Variants in UBR4 observed in about 807,000 individuals in gnomAD.
The protein encoded by UBR4 is ubiquitin protein ligase E3 component n-recognin 4, also known as E3 ubiquitin-protein ligase UBR4.
Under a neutral mutation model 575.6 loss-of-function variants are expected in UBR4, and 124 were observed. The observed-to-expected ratio is 0.22, with a 90% CI of 0.19 to 0.25. UBR4 has a LOEUF of 0.25. Among genes scored for constraint, UBR4 ranks in the 10% least tolerant of loss-of-function variants. UBR4 has a pLI of 1.00. For missense variants in UBR4, 4,818 were observed against 6,478.8 expected, an observed-to-expected ratio of 0.74 and a Z score of 8.80; for synonymous variants, 2,455 against 2,473.7, an observed-to-expected ratio of 0.99 and a Z score of 0.22.
intron 17 of UBR4, among the ~76,000 whole-genome samples, chr1:19,183,192 C>T (rs909933542): frequency 3.9e-5 from 6 of 152,098 alleles, no homozygotes; most frequent in African/African-American, 1.4e-4. Context: ...ACCACTTATA[C>T]TTCTTTTCAT....
chr1:19,112,399 T>C (rs2080000485), intron 78 of UBR4, 125 bp downstream of exon 78: 1 of 1,131,508 alleles, frequency 8.8e-7, no homozygotes, highest in South Asian at 1.6e-5. Flanking sequence ...ATCTTTCCTT[T>C]GTTATAAGCT....
chr1:19,172,753 G>T, intron 25 of UBR4, 111 bp downstream of exon 25: 1 of 1,123,758 alleles, frequency 8.9e-7, no homozygotes, highest in Non-Finnish European at 1.3e-6. Context: ...TATACGTGGG[G>T]AAAAAAACCC....
intron 33 of UBR4, among the ~76,000 whole-genome samples, 158 bp downstream of exon 33, chr1:19,164,095 C>G (rs1004404838): frequency 3.9e-5 from 6 of 152,164 alleles, no homozygotes; most frequent in Non-Finnish European, 5.9e-5. Flanking sequence ...AAGATGAAGT[C>G]TAAAGTGAAC....
At chr1:19,188,228 T>A (rs2091745139) in intron 11 of UBR4, among the ~76,000 whole-genome samples, 1 of 152,138 alleles carries the variant, frequency 6.6e-6, no homozygotes, top group Admixed American at 6.5e-5. Flanking sequence ...AATTACCAAC[T>A]TCTATAAAAT....
At chr1:19,077,757 CAAACAAAACCAAACA>C in intron 104 of UBR4, 2 of 1,465,528 alleles carry the variant, frequency 1.4e-6, no homozygotes, top group Non-Finnish European at 1.8e-6. Context: ...CAAACCAAAC[CAAACAAAACCAAACA>C]AAACAAATGT....
intron 99 of UBR4, among the ~76,000 whole-genome samples, chr1:19,087,139 A>C (rs1215589473): frequency 2.6e-5 from 4 of 152,236 alleles, no homozygotes; most frequent in Admixed American, 2.0e-4. Context: ...GAAAATGCAG[A>C]AGTGACTTCT....
Position 19,164,214 on chromosome 1 carries a change from T to A in UBR4, c.4700+39A>T, listed in dbSNP as rs773290684. ...AAAGAAAGTAACCCACTTCTCAAGATCAATGTTGTAACCTACAGATACAAC... is the reference window on the plus strand; with the variant it reads ...AAAGAAAGTAACCCACTTCTCAAGAACAATGTTGTAACCTACAGATACAAC... On this transcript the variant is annotated intron_variant, in intron 33 of 105. Coordinates refer to ENST00000375254, the MANE Select transcript of UBR4 (RefSeq NM_020765.3). The A allele has an allele frequency of 1.6e-5, 26 of 1,582,662 alleles. No individual in the cohort carries two copies. The East Asian group carries it at 5.2e-4, about 32-fold the overall frequency.
rs771044330 is a variant in UBR4 at position 19,164,335 on chromosome 1, C to T, written c.4618G>A (p.Val1540Met). ...CCTGCACTGGCCAGAGTGGCCATCACAACCATAAGTTCAGGGAAGCCAGTC... is the reference window on the plus strand; with the variant it reads ...CCTGCACTGGCCAGAGTGGCCATCATAACCATAAGTTCAGGGAAGCCAGTC... ...DGTGFPELMV[V>M]MATLASAGQG... is the part of the protein sequence containing the mutation. Residue 1540 changes from valine (V) to methionine (M), a missense_variant, in exon 33 of 106, where the codon GTG becomes ATG. By Grantham distance (21) the Val-to-Met change is conservative. Around this residue, in one of 29 missense-constraint regions of UBR4, gnomAD observed 1,172 missense variants for 1,259.7 expected, o/e 0.93. Transcript: ENST00000375254. 6.2e-7 allele frequency: 1 copy of T among 1,614,196 alleles called. No individual in the cohort carries two copies. The highest frequency in any genetic ancestry group is 1.1e-5 in the South Asian group (1 of 91,080).
At chr1:19,148,459 C>A in intron 50 of UBR4, 104 bp downstream of exon 50, 1 of 1,386,750 alleles carries the variant, frequency 7.2e-7, no homozygotes, top group Non-Finnish European at 1.0e-6. Context: ...CAAGATTATG[C>A]TACTATAAAT....
chr1:19,184,744 A>G (rs2091359145), intron 15 of UBR4, among the ~76,000 whole-genome samples: 1 of 152,192 alleles, frequency 6.6e-6, no homozygotes, highest in South Asian at 2.1e-4. Context: ...CACTGATGAT[A>G]TATCAGACCT....
At chr1:19,118,689 C>T in intron 71 of UBR4, 183 bp downstream of exon 71, 1 of 623,936 alleles carries the variant, frequency 1.6e-6, no homozygotes, top group Non-Finnish European at 2.8e-6. Context: ...TCAGCAATGA[C>T]ATTTTGAGTA....
chr1:19,148,251 C>T, intron 50 of UBR4, 124 bp from the exon 51 acceptor site: 5 of 1,235,136 alleles, frequency 4.0e-6, no homozygotes, highest in Non-Finnish European at 5.4e-6. Flanking sequence ...CCATGGACTG[C>T]AAAGAGAAAA....
At chr1:19,141,981 G>A (rs907839704) in intron 55 of UBR4, among the ~76,000 whole-genome samples, 26 of 152,204 alleles carry the variant, frequency 1.7e-4, no homozygotes, top group African/African-American at 6.0e-4. Flanking sequence ...AGTTGGCTGC[G>A]ACAGCTTGCC....
At chr1:19,137,681 T>A (rs1472570378) in intron 60 of UBR4, among the ~76,000 whole-genome samples, 4 of 152,186 alleles carry the variant, frequency 2.6e-5, no homozygotes. Context: ...TGCCATATAT[T>A]GAGTGTACAG....
intron 82 of UBR4, 26 bp downstream of exon 82, chr1:19,106,811 C>A: frequency 1.2e-6 from 2 of 1,608,480 alleles, no homozygotes; most frequent in East Asian, 4.5e-5. Context: ...GCAGGACTTC[C>A]CGGCGTCTTG....
chr1:19,120,361 G>C lies in UBR4; in HGVS notation c.10142-13C>G, dbSNP rs368844420. 19 of 1,613,844 alleles carry C rather than the reference G, an allele frequency of 1.2e-5. No homozygotes were observed. The African/African-American group carries it at 1.7e-4, about 15-fold the overall frequency. Reference sequence around the variant, plus strand: ...CCAGAGGTCTCACCTGCAAGATTAGGACAGGACTAAGGGCTGAAGAGTAGG... The same window carrying C: ...CCAGAGGTCTCACCTGCAAGATTAGCACAGGACTAAGGGCTGAAGAGTAGG... On this transcript the variant is annotated splice_polypyrimidine_tract_variant and intron_variant, in intron 68 of 105. Transcript: ENST00000375254.
chr1:19,160,420 C>G (rs1018269625), intron 38 of UBR4, 139 bp from the exon 39 acceptor site: 3 of 829,196 alleles, frequency 3.6e-6, no homozygotes, highest in Non-Finnish European at 5.5e-6. Context: ...TAGCCATCTT[C>G]TCATTCTCAT....
chr1:19,139,241 G>A lies in UBR4; in HGVS notation c.8594-21C>T. The A allele has an allele frequency of 6.4e-7, 1 of 1,574,640 alleles. No individual in the cohort carries two copies. The highest frequency in any genetic ancestry group is 8.6e-7 in the Non-Finnish European group (1 of 1,162,374). On this transcript the variant is annotated intron_variant, in intron 58 of 105. Transcript: ENST00000375254. The surrounding 1 kb of genome is among the most constrained non-coding windows in gnomAD (Gnocchi z 4.2). ...TGGAGCTGAGAGAGTAACGAGAGCT[G>A]TTACAGGTTAAAAAACAAACAAACA...
chr1:19,177,614 G>T lies in UBR4; in HGVS notation c.2484C>A (p.Ala828=), dbSNP rs774051027. Residue 828 remains alanine (A), a synonymous_variant, in exon 19 of 106, where the codon GCC becomes GCA. Transcript: ENST00000375254. ...FHNFTETGRR[A]ILSLFVQIIQ... ...TGATCTGGACAAAAAGCGACAATAT[G>T]GCCCGCCGGCCTGTCTCGGTGAAAT... is the stretch of plus-strand genomic sequence containing the variant. 6.2e-7 allele frequency: 1 copy of T among 1,613,982 alleles called. No individual in the cohort carries two copies. The highest frequency in any genetic ancestry group is 8.5e-7 in the Non-Finnish European group (1 of 1,180,006).
Sources: gnomAD v4.1 joint callset for allele counts (sites outside exome capture counted in the v4.1 genomes callset) on GRCh38, gnomAD v4.1.1 for gene constraint, gnomAD v4.1.1 regional missense constraint, Gnocchi (gnomAD v3.1) non-coding constraint, MANE v1.5 for transcripts, NCBI Gene and HGNC (gene_info 2026-07-23, HGNC 2026-07-21) for gene names.